The following PRICKLE2 variants were observed in gnomAD, a reference collection of about 807,000 sequenced individuals.
The protein encoded by PRICKLE2 is prickle planar cell polarity protein 2.
A neutral mutation model predicts 81.4 loss-of-function variants in PRICKLE2; 21 were observed. The observed-to-expected ratio is 0.26, with a 90% CI of 0.18 to 0.37. The LOEUF is 0.37. Among genes scored for constraint, PRICKLE2 ranks in the 10% least tolerant of loss-of-function variants. The probability of loss-of-function intolerance (pLI) is 1.00; values close to 1 mark genes in which losing one functional copy is unlikely to be tolerated. For synonymous variants in PRICKLE2, 456 were observed against 421.5 expected, an observed-to-expected ratio of 1.08 and a Z score of -1.00; for missense variants, 940 against 1,109.0, an observed-to-expected ratio of 0.85 and a Z score of 2.16.
At chr3:64,139,755 T>G (rs900744089) in intron 7 of PRICKLE2, among the ~76,000 whole-genome samples, 3 of 152,198 alleles carry the variant, frequency 2.0e-5, no homozygotes, top group African/African-American at 7.2e-5. Flanking sequence ...TTACTCTAAG[T>G]GCTCACCCAG....
intron 7 of PRICKLE2, among the ~76,000 whole-genome samples, chr3:64,111,855 T>A (rs1022385914): frequency 6.6e-6 from 1 of 152,190 alleles, no homozygotes; most frequent in African/African-American, 2.4e-5. Flanking sequence ...ATCAGTGTAA[T>A]AATTCACTGA....
At chr3:64,258,182 T>C (rs2107186553) in intron 2 of PRICKLE2, among the ~76,000 whole-genome samples, 1 of 152,066 alleles carries the variant, frequency 6.6e-6, no homozygotes, top group East Asian at 1.9e-4. Flanking sequence ...AAGCAAGCAA[T>C]TAGCGGGTGG....
intron 7 of PRICKLE2, among the ~76,000 whole-genome samples, chr3:64,136,234 G>A (rs902669061): frequency 6.6e-6 from 1 of 151,974 alleles, no homozygotes; most frequent in African/African-American, 2.4e-5. Context: ...AAGAGGCAGT[G>A]TAGACAGATG....
intron 2 of PRICKLE2, among the ~76,000 whole-genome samples, chr3:64,251,014 A>G (rs990658233): frequency 6.6e-6 from 1 of 152,242 alleles, no homozygotes; most frequent in African/African-American, 2.4e-5. Context: ...CTTTTTGTCT[A>G]TCTTCACCCA....
At chr3:64,267,289 C>G (rs1320910244) in intron 2 of PRICKLE2, among the ~76,000 whole-genome samples, 2 of 152,036 alleles carry the variant, frequency 1.3e-5, no homozygotes, top group Non-Finnish European at 2.9e-5. Flanking sequence ...CTCCACCTAC[C>G]CCAATTCAGA....
chr3:64,190,892 G>A (rs548327869), intron 2 of PRICKLE2, among the ~76,000 whole-genome samples: 1 of 152,290 alleles, frequency 6.6e-6, no homozygotes, highest in South Asian at 2.1e-4. Context: ...TGAGGACTGT[G>A]AGGCTGCAGG....
intron 1 of PRICKLE2, among the ~76,000 whole-genome samples, chr3:64,221,801 G>C (rs1032398669): frequency 2.6e-5 from 4 of 152,154 alleles, no homozygotes; most frequent in Non-Finnish European, 5.9e-5. Context: ...CACAGCCTGG[G>C]GGCTACTAAA....
chr3:64,179,532 T>G, intron 2 of PRICKLE2, among the ~76,000 whole-genome samples: 1 of 152,320 alleles, frequency 6.6e-6, no homozygotes, highest in East Asian at 1.9e-4. Flanking sequence ...CACTTGTTTA[T>G]TCAGTCTGTG....
intron 7 of PRICKLE2, among the ~76,000 whole-genome samples, chr3:64,119,957 CA>C (rs1367361852): frequency 6.6e-6 from 1 of 152,038 alleles, no homozygotes; most frequent in Admixed American, 6.6e-5. Context: ...AAGGTGGGAA[CA>C]AAAAACGAAT....
chr3:64,220,894 A>C (rs749452672), intron 1 of PRICKLE2, among the ~76,000 whole-genome samples: 2 of 152,206 alleles, frequency 1.3e-5, no homozygotes, highest in Non-Finnish European at 2.9e-5. Context: ...AGGCAGGCTC[A>C]TATTGTACTT....
intron 1 of PRICKLE2, among the ~76,000 whole-genome samples, chr3:64,217,434 T>C (rs1006704603): frequency 6.6e-6 from 1 of 152,254 alleles, no homozygotes; most frequent in African/African-American, 2.4e-5. Context: ...ATCACGTAAA[T>C]AGTGTACATT....
chr3:64,159,870 T>C, intron 4 of PRICKLE2, 70 bp downstream of exon 4: 1 of 1,597,682 alleles, frequency 6.3e-7, no homozygotes, highest in East Asian at 2.2e-5. Context: ...AGTAAAACAA[T>C]TGTTGGATGA....
chr3:64,100,021 C>A lies in PRICKLE2; in HGVS notation c.1661-96G>T, dbSNP rs151238842. On this transcript the variant is annotated intron_variant, in intron 7 of 7. Coordinates refer to ENST00000638394, the MANE Select transcript of PRICKLE2 (RefSeq NM_198859.4). ...GTCATCTATCTAGGGTCATTATATA[C>A]CGTTGTGAAGTTGTGTACTGCACAA... 390 of 1,402,984 alleles carry A rather than the reference C, an allele frequency of 2.8e-4. 1 individual carries two copies. In the African/African-American group the frequency reaches 4.8e-3, roughly 17 times the overall value. 86.9% of individuals were successfully genotyped at this position (1,402,984 alleles called of 1,614,324 possible).
At chr3:64,156,557 A>C (rs1176815673) in intron 5 of PRICKLE2, among the ~76,000 whole-genome samples, 1 of 152,196 alleles carries the variant, frequency 6.6e-6, no homozygotes, top group Non-Finnish European at 1.5e-5. Flanking sequence ...TGCTTCTAGT[A>C]GGGGAAGAAG....
At position 64,099,473 on chromosome 3, in the gene PRICKLE2, G is replaced by A. The variant is rs766598630; in HGVS notation, c.2113C>T (p.Arg705Cys). The change falls in exon 8 of 8, where the codon CGC becomes TGC. Residue 705 changes from arginine to cysteine, a missense_variant. By Grantham distance (180) the Arg-to-Cys change is radical. Coordinates refer to ENST00000638394, the MANE Select transcript of PRICKLE2 (RefSeq NM_198859.4). The surrounding 1 kb of genome is among the most constrained non-coding windows in gnomAD (Gnocchi z 4.3). Reference sequence around the variant, plus strand: ...TCTTTTAACCGGGAGATGGCCTCGCGTTCGCTGGCCAGGTGGAGGGCGTTG... The same window carrying A: ...TCTTTTAACCGGGAGATGGCCTCGCATTCGCTGGCCAGGTGGAGGGCGTTG... ...SDNALHLASEREAISRLKDRP... is the reference protein window; with the variant it reads ...SDNALHLASECEAISRLKDRP... 80 of 1,584,928 alleles carry A rather than the reference G, an allele frequency of 5.0e-5. No homozygotes were observed. Among genetic ancestry groups the A allele is most frequent in the Non-Finnish European group, 6.3e-5 (73 of 1,161,538 alleles).
chr3:64,122,272 C>G (rs1163344088), intron 7 of PRICKLE2, among the ~76,000 whole-genome samples: 1 of 152,246 alleles, frequency 6.6e-6, no homozygotes, highest in South Asian at 2.1e-4. Context: ...TTAGTCAAAA[C>G]CTGCTAACAG....
At chr3:64,254,283 G>C (rs889850979) in intron 2 of PRICKLE2, among the ~76,000 whole-genome samples, 2 of 152,144 alleles carry the variant, frequency 1.3e-5, no homozygotes, top group Non-Finnish European at 2.9e-5. Flanking sequence ...GCCAGGTTTA[G>C]ATAAATTGAA....
At chr3:64,107,063 T>C (rs2076767281) in intron 7 of PRICKLE2, among the ~76,000 whole-genome samples, 1 of 152,182 alleles carries the variant, frequency 6.6e-6, no homozygotes, top group South Asian at 2.1e-4. Flanking sequence ...CAGTGATTTA[T>C]CCATATCCCA....
chr3:64,264,879 G>A (rs576782206), intron 2 of PRICKLE2, among the ~76,000 whole-genome samples: 96 of 152,284 alleles, frequency 6.3e-4, no homozygotes, highest in Admixed American at 3.9e-3. Context: ...AGACCCTAGT[G>A]ATAGGTACAA....
Sources: gnomAD v4.1 joint callset for allele counts (sites outside exome capture counted in the v4.1 genomes callset) on GRCh38, gnomAD v4.1.1 for gene constraint, Gnocchi (gnomAD v3.1) non-coding constraint, MANE v1.5 for transcripts, NCBI Gene and HGNC (gene_info 2026-07-23, HGNC 2026-07-21) for gene names.